LAMA2: variants seen among roughly 807,000 people sequenced by gnomAD.
LAMA2 encodes laminin subunit alpha 2.
In LAMA2, 269 loss-of-function variants were observed where a neutral mutation model predicts 364.8. That is an observed-to-expected ratio of 0.74 (90% CI 0.67 to 0.82). The LOEUF (loss-of-function observed/expected upper bound fraction) is 0.82, where lower values mean the gene tolerates loss of function less well. Among genes scored for constraint, LAMA2 ranks in the 40% least tolerant of loss-of-function variants. The pLI is 0.00. For missense variants in LAMA2, 3,807 were observed against 3,873.2 expected (o/e 0.98, Z 0.45); for synonymous variants, 1,379 against 1,370.6 (o/e 1.01, Z -0.14).
chr6:129,196,641 C>T (rs1231169527), intron 12 of LAMA2, among the ~76,000 whole-genome samples: 1 of 152,150 alleles, frequency 6.6e-6, no homozygotes, highest in African/African-American at 2.4e-5. Context: ...GTTCAAACCC[C>T]TCCTCGCCAT....
At chr6:129,012,465 G>T (rs1784823836) in intron 1 of LAMA2, among the ~76,000 whole-genome samples, 1 of 152,102 alleles carries the variant, frequency 6.6e-6, no homozygotes, top group Non-Finnish European at 1.5e-5. Flanking sequence ...GATATAAGAA[G>T]TATTCTGTGG....
In LAMA2 at chr6:129,460,216, G is replaced by A. The variant is rs142164767; in HGVS notation, c.6884G>A (p.Arg2295His). 9.2e-5 allele frequency: 149 copies of A among 1,611,950 alleles called. No homozygotes were observed. In the East Asian group the frequency reaches 1.4e-3, roughly 15 times the overall value. Reference sequence around the variant, plus strand: ...TTTCTGCAGAAGGCTGATGCTGTACGTGTGATTACATTCACTGGCTGCATG... The same window carrying A: ...TTTCTGCAGAAGGCTGATGCTGTACATGTGATTACATTCACTGGCTGCATG... The part of the protein sequence containing the change: ...TGKLKKADAV[R>H]VITFTGCMGE... Residue 2295 changes from arginine to histidine, a missense_variant, in exon 49 of 65, where the codon CGT becomes CAT. Arg to His is a conservative substitution (Grantham distance 29). This residue lies in a region of LAMA2 where 3,333 missense variants were observed against 3,345.7 expected (regional missense o/e 1.00). Transcript: ENST00000421865.
intron 58 of LAMA2, among the ~76,000 whole-genome samples, chr6:129,499,331 G>A (rs1785444687): frequency 6.6e-6 from 1 of 151,976 alleles, no homozygotes; most frequent in Non-Finnish European, 1.5e-5. Context: ...AACAACACAG[G>A]TAAAGCATCA....
intron 54 of LAMA2, among the ~76,000 whole-genome samples, chr6:129,479,387 A>T (rs1046580696): frequency 1.3e-5 from 2 of 152,094 alleles, no homozygotes; most frequent in African/African-American, 4.8e-5. Flanking sequence ...ATCCTCAGTA[A>T]CTCTTCTTTG....
Position 129,101,673 on chromosome 6 carries a change from G to T in LAMA2, c.639+3258G>T, listed in dbSNP as rs571118676. The stretch of plus-strand genomic sequence containing the variant: ...ACACTAGCCACATTTCAAGTACTCA[G>T]TAGCCACATGGGACTAGCAGCCACC... On this transcript the variant is annotated intron_variant, in intron 4 of 64. Coordinates refer to ENST00000421865, the MANE Select transcript of LAMA2 (RefSeq NM_000426.4). 2.0e-5 allele frequency among the ~76,000 whole-genome samples: 3 copies of T among 152,242 alleles called. No homozygotes were observed. In the South Asian group the frequency reaches 6.2e-4, roughly 32 times the overall value.
At chr6:128,965,514 G>A (rs1201329492) in intron 1 of LAMA2, among the ~76,000 whole-genome samples, 4 of 151,906 alleles carry the variant, frequency 2.6e-5, no homozygotes, top group African/African-American at 9.7e-5. Flanking sequence ...AAAGATAATT[G>A]GGATTTTTCC....
At chr6:129,256,780 A>ATATG (rs1786717030) in intron 14 of LAMA2, among the ~76,000 whole-genome samples, 1 of 136,222 alleles carries the variant, frequency 7.3e-6, no homozygotes, top group Admixed American at 7.2e-5. Flanking sequence ...ATATATATAT[A>ATATG]TATATATATA....
At chr6:129,144,276 C>T (rs1270772864) in intron 5 of LAMA2, among the ~76,000 whole-genome samples, 196 bp downstream of exon 5, 7 of 151,792 alleles carry the variant, frequency 4.6e-5, no homozygotes, top group Admixed American at 3.3e-4. Flanking sequence ...CAAGCTGTGC[C>T]GCTTATTACA....
intron 21 of LAMA2, among the ~76,000 whole-genome samples, chr6:129,300,263 T>C (rs1404778298): frequency 1.3e-5 from 2 of 152,188 alleles, no homozygotes; most frequent in African/African-American, 4.8e-5. Context: ...TTTCTAACTA[T>C]ATACATGATG....
In LAMA2 at chr6:129,320,571, A is replaced by C. The variant is rs1774905120; in HGVS notation, c.4092A>C (p.Gln1364His). The change falls in exon 28 of 65, where the codon CAA becomes CAC. Residue 1364 changes from glutamine (Q) to histidine (H), a missense_variant. Gln to His is a conservative substitution (Grantham distance 24). Coordinates refer to ENST00000421865, the MANE Select transcript of LAMA2 (RefSeq NM_000426.4). ...AAATCTCAATGGAGGTAGCTGAACA[A>C]GGACGTGGAACAACAATGACTCCTC... ...ISEISMEVAEQGRGTTMTPPA... is the reference protein window; with the variant it reads ...ISEISMEVAEHGRGTTMTPPA... 3.7e-6 allele frequency: 6 copies of C among 1,613,038 alleles called. No homozygotes were observed. Among genetic ancestry groups the C allele is most frequent in the Non-Finnish European group, 4.2e-6 (5 of 1,179,026 alleles).
At chr6:129,079,848 A>G (rs1465997409) in intron 3 of LAMA2, among the ~76,000 whole-genome samples, 1 of 152,204 alleles carries the variant, frequency 6.6e-6, no homozygotes, top group Non-Finnish European at 1.5e-5. Context: ...CTATAAGTAC[A>G]TATAAAATAT....
intron 1 of LAMA2, among the ~76,000 whole-genome samples, chr6:129,031,834 CT>C (rs1554202174): frequency 6.6e-6 from 1 of 151,070 alleles, no homozygotes; most frequent in African/African-American, 2.4e-5. Flanking sequence ...CTTTTCTTTT[CT>C]TTTTTTTTGA....
chr6:128,939,956 G>T (rs1421957070), intron 1 of LAMA2, among the ~76,000 whole-genome samples: 5 of 152,092 alleles, frequency 3.3e-5, no homozygotes, highest in Admixed American at 3.3e-4. Context: ...CCAGAATGAT[G>T]ATCCAAAAGT....
At chr6:128,976,198 G>T (rs1417942476) in intron 1 of LAMA2, among the ~76,000 whole-genome samples, 2 of 152,278 alleles carry the variant, frequency 1.3e-5, no homozygotes, top group Non-Finnish European at 2.9e-5. Context: ...TATAGAGAGT[G>T]GGGAGGAAGA....
At chr6:129,478,860 C>T in intron 54 of LAMA2, 47 bp downstream of exon 54, 2 of 1,556,948 alleles carry the variant, frequency 1.3e-6, no homozygotes, top group East Asian at 4.5e-5. Context: ...TATCAGATTT[C>T]ACTTACTTAG....
chr6:129,066,069 G>A (rs1389801901), intron 3 of LAMA2, among the ~76,000 whole-genome samples: 56 of 20,974 alleles, frequency 2.7e-3, no homozygotes, highest in Non-Finnish European at 5.7e-3. Flanking sequence ...TTTTTGAGAC[G>A]CAGTCTCGCT....
At chr6:129,446,629 G>T (rs1475331671) in intron 45 of LAMA2, among the ~76,000 whole-genome samples, 2 of 149,518 alleles carry the variant, frequency 1.3e-5, no homozygotes, top group East Asian at 4.0e-4. Flanking sequence ...AACAAGAAAG[G>T]CTTGAACTCA....
chr6:129,124,128 C>T (rs1361791393), intron 4 of LAMA2, among the ~76,000 whole-genome samples: 4 of 152,058 alleles, frequency 2.6e-5, no homozygotes, highest in Non-Finnish European at 5.9e-5. Flanking sequence ...AGCCTTCTAA[C>T]TTGTGGTGTT....
chr6:129,364,926 G>A (rs1454940593), intron 32 of LAMA2, among the ~76,000 whole-genome samples: 1 of 152,332 alleles, frequency 6.6e-6, no homozygotes, highest in South Asian at 2.1e-4. Flanking sequence ...AGAGCAGGAG[G>A]AAGTGGGGGC....
Sources: allele counts gnomAD v4.1 joint callset (sites outside exome capture counted in the v4.1 genomes callset), GRCh38; gene constraint gnomAD v4.1.1; regional missense constraint gnomAD v4.1.1; transcripts MANE v1.5; gene names NCBI Gene and HGNC (gene_info 2026-07-23, HGNC 2026-07-21).